The following WDFY3 variants were observed in gnomAD, a reference collection of about 807,000 sequenced individuals.
WDFY3 encodes the protein WD repeat and FYVE domain containing 3.
Under a neutral mutation model 409.6 loss-of-function variants are expected in WDFY3, and 66 were observed. The observed-to-expected ratio is 0.16, with a 90% CI of 0.13 to 0.20. The LOEUF (loss-of-function observed/expected upper bound fraction) is 0.20. Ranked by LOEUF, WDFY3 falls within the 10% of genes least tolerant of loss-of-function variation. The pLI is 1.00. For synonymous variants in WDFY3, 1,521 were observed against 1,537.1 expected, an observed-to-expected ratio of 0.99 and a Z score of 0.25; for missense variants, 3,031 against 4,298.1, an observed-to-expected ratio of 0.71 and a Z score of 8.24.
chr4:84,860,163 A>G (rs189665336), intron 4 of WDFY3, among the ~76,000 whole-genome samples: 1 of 152,344 alleles, frequency 6.6e-6, no homozygotes, highest in Admixed American at 6.5e-5. Context: ...GCCATTTTAG[A>G]CAATGGCTCA....
intron 40 of WDFY3, among the ~76,000 whole-genome samples, chr4:84,738,327 T>C (rs1737816960): frequency 6.6e-6 from 1 of 151,858 alleles, no homozygotes; most frequent in African/African-American, 2.4e-5. Context: ...CTGGGCATGG[T>C]AGCTCACAGC....
chr4:84,905,548 C>T (rs556059289), intron 2 of WDFY3, among the ~76,000 whole-genome samples: 2 of 152,248 alleles, frequency 1.3e-5, no homozygotes, highest in South Asian at 2.1e-4. Context: ...ACTTTAGATC[C>T]GAGCTGCGAT....
At chr4:84,760,358 G>T (rs1057185982) in intron 32 of WDFY3, among the ~76,000 whole-genome samples, 2 of 151,748 alleles carry the variant, frequency 1.3e-5, no homozygotes, top group South Asian at 2.1e-4. Context: ...TCTATTGATT[G>T]GAATAGTTTC....
At chr4:84,778,048 AAT>A (rs1232182796) in intron 27 of WDFY3, among the ~76,000 whole-genome samples, 4 of 152,136 alleles carry the variant, frequency 2.6e-5, no homozygotes, top group Admixed American at 2.6e-4. Flanking sequence ...TTCTAGTATG[AAT>A]AGGAGAAGGA....
chr4:84,677,964 A>C (rs953762407), intron 66 of WDFY3, among the ~76,000 whole-genome samples: 97 of 148,412 alleles, frequency 6.5e-4, no homozygotes, highest in Non-Finnish European at 8.8e-4. Context: ...CCTGTCTCAA[A>C]AAAAAAAAAA....
intron 46 of WDFY3, 22 bp from the exon 47 acceptor site, chr4:84,721,594 G>T (rs750502648): frequency 1.1e-5 from 17 of 1,599,852 alleles, no homozygotes; most frequent in Non-Finnish European, 1.4e-5. Context: ...TAACCAAGAG[G>T]GCCATGTGGC....
intron 30 of WDFY3, among the ~76,000 whole-genome samples, chr4:84,771,942 C>T (rs1441780034): frequency 6.6e-6 from 1 of 152,260 alleles, no homozygotes; most frequent in East Asian, 1.9e-4. Flanking sequence ...ATCTCTCCAT[C>T]TCTCCTTTGA....
intron 1 of WDFY3, among the ~76,000 whole-genome samples, chr4:84,932,584 T>TC (rs1770897076): frequency 1.3e-5 from 2 of 152,270 alleles, no homozygotes; most frequent in Admixed American, 1.3e-4. Flanking sequence ...TGATTTCACT[T>TC]CTTCATTTTA....
chr4:84,753,665 C>A, intron 35 of WDFY3, 32 bp downstream of exon 35: 4 of 1,518,822 alleles, frequency 2.6e-6, no homozygotes, highest in Non-Finnish European at 2.6e-6. Context: ...CATTCTAATT[C>A]CAGTTCTGAC....
Position 84,853,690 on chromosome 4 carries a change from C to T in WDFY3, c.181-3665G>A, listed in dbSNP as rs182719719. Among the ~76,000 whole-genome samples the T allele has an allele frequency of 2.6e-5, 4 of 152,232 alleles. No homozygotes were observed. In the East Asian group the frequency reaches 7.7e-4, roughly 29 times the overall value. ...GGTAAATAATATGCTGTTGAAAATGCCAGTAACTTTTTACACAAATCCTGA... is the reference window on the plus strand; with the variant it reads ...GGTAAATAATATGCTGTTGAAAATGTCAGTAACTTTTTACACAAATCCTGA... On this transcript the variant is annotated intron_variant, in intron 4 of 67. Transcript: ENST00000295888.
rs547230138 is a variant in WDFY3 at position 84,787,647 on chromosome 4, A to C, written c.3736T>G (p.Tyr1246Asp). The C allele has an allele frequency of 8.4e-5, 136 of 1,614,190 alleles. No homozygotes were observed. The highest frequency in any genetic ancestry group is 1.3e-4 in the Admixed American group (8 of 60,026). Reference protein sequence around the residue: ...SANPPVVSTVYAYIGTPPAQR... With the variant: ...SANPPVVSTVDAYIGTPPAQR... ...GCAGGTGGAGTACCAATGTAGGCAT[A>C]GACCGTGCTCACCACTGGTGGATTT... is the stretch of plus-strand genomic sequence containing the variant. Residue 1246 changes from tyrosine to aspartate, a missense_variant, in exon 23 of 68, where the codon TAT (tyrosine) becomes GAT (aspartate). Transcript: ENST00000295888.
intron 7 of WDFY3, 30 bp downstream of exon 7, chr4:84,836,899 G>T: frequency 6.9e-7 from 1 of 1,455,518 alleles, no homozygotes; most frequent in South Asian, 1.6e-5. Context: ...TTTAAATAGG[G>T]TGGAGGTAGG....
chr4:84,751,374 A>T, intron 36 of WDFY3, 109 bp downstream of exon 36: 2 of 1,135,760 alleles, frequency 1.8e-6, no homozygotes, highest in Non-Finnish European at 2.6e-6. Context: ...TTCTGCCTAC[A>T]CATAAACAAG....
At position 84,671,159 on chromosome 4, in the gene WDFY3, G is replaced by A. The variant is rs752309867; in HGVS notation, c.*1709C>T. On this transcript the variant is annotated 3_prime_UTR_variant, in exon 68 of 68. Coordinates refer to ENST00000295888, the MANE Select transcript of WDFY3 (RefSeq NM_014991.6). Reference sequence around the variant, plus strand: ...GGAAGAACAAATTTGTTCTTAAGCTGGTTTCAGCCCATCAGGTACAAGATC... The same window carrying A: ...GGAAGAACAAATTTGTTCTTAAGCTAGTTTCAGCCCATCAGGTACAAGATC... The A allele has an allele frequency of 6.6e-6, 1 of 152,516 alleles. No individual in the cohort carries two copies. Among genetic ancestry groups the A allele is most frequent in the Non-Finnish European group, 1.5e-5 (1 of 68,010 alleles). The allele number at this position is 152,516 out of a possible 1,614,324, so 9.4% of individuals were successfully genotyped here. A position where few individuals can be genotyped will look rare whatever the true frequency, so the allele number is the denominator to read the frequency against.
rs573671485 is a variant in WDFY3, at chr4:84,812,046, T to C, written c.1888-1702A>G. ...GCATTTTGAATTTCAGGTTTTTGGA[T>C]GAGGGATGCTCAACCTGTATTAATA... On this transcript the variant is annotated intron_variant, in intron 13 of 67. Transcript: ENST00000295888. 5.9e-5 allele frequency among the ~76,000 whole-genome samples: 9 copies of C among 152,324 alleles called. No homozygotes were observed. The East Asian group carries it at 1.7e-3, about 29-fold the overall frequency.
At chr4:84,714,101 C>G (rs1435922148) in intron 50 of WDFY3, among the ~76,000 whole-genome samples, 1 of 149,612 alleles carries the variant, frequency 6.7e-6, no homozygotes, top group African/African-American at 2.5e-5. Context: ...GGTGACAGAG[C>G]AAGACTTTGT....
intron 1 of WDFY3, among the ~76,000 whole-genome samples, chr4:84,946,418 T>C (rs1036508625): frequency 2.6e-5 from 4 of 152,164 alleles, no homozygotes; most frequent in African/African-American, 9.7e-5. Flanking sequence ...TTGTAAAATA[T>C]CAAGAAAGAA....
At chr4:84,900,912 A>G (rs1162326706) in intron 2 of WDFY3, among the ~76,000 whole-genome samples, 2 of 152,354 alleles carry the variant, frequency 1.3e-5, no homozygotes, top group East Asian at 3.9e-4. Context: ...AGAATACATG[A>G]AACTGGGTAG....
At chr4:84,916,118 G>A (rs950377284) in intron 2 of WDFY3, among the ~76,000 whole-genome samples, 3 of 152,106 alleles carry the variant, frequency 2.0e-5, no homozygotes, top group East Asian at 1.9e-4. Context: ...TGGACAAGCT[G>A]TAATTTCAGA....
Sources: gnomAD v4.1 joint callset for allele counts (sites outside exome capture counted in the v4.1 genomes callset) on GRCh38, gnomAD v4.1.1 for gene constraint, MANE v1.5 for transcripts, NCBI Gene and HGNC (gene_info 2026-07-23, HGNC 2026-07-21) for gene names.